MYO9B: variants seen among roughly 807,000 people sequenced by gnomAD.
The protein encoded by MYO9B is myosin IXB.
Under a neutral mutation model 229.5 loss-of-function variants are expected in MYO9B, and 71 were observed. The ratio of observed to expected loss-of-function variants is 0.31; its 90% CI spans 0.26 to 0.38. The LOEUF (loss-of-function observed/expected upper bound fraction) is 0.38, where lower values mean the gene tolerates loss of function less well. Among genes scored for constraint, MYO9B ranks in the 10% least tolerant of loss-of-function variants. MYO9B has a pLI of 1.00. For missense variants in MYO9B, 2,255 were observed against 2,920.5 expected (o/e 0.77, Z 5.25); for synonymous variants, 1,185 against 1,235.8 (o/e 0.96, Z 0.86).
Position 17,172,194 on chromosome 19 carries a change from G to T in MYO9B, c.1794-142G>T. ...TTCACTCCTTCACCCACCCCTCTGT[G>T]CACAGAGCCCTGTGCCACTTCACTG... On this transcript the variant is annotated intron_variant, in intron 11 of 39. Coordinates refer to ENST00000682292, the MANE Select transcript of MYO9B (RefSeq NM_004145.4). The surrounding 1 kb of genome is among the most constrained non-coding windows in gnomAD (Gnocchi z 8.2). 2 of 1,054,660 alleles carry T rather than the reference G, an allele frequency of 1.9e-6. No homozygotes were observed. Among genetic ancestry groups the T allele is most frequent in the South Asian group, 3.2e-5 (2 of 62,524 alleles). 65.3% of individuals were successfully genotyped at this position (1,054,660 alleles called of 1,614,324 possible).
At chr19:17,146,095 A>G (rs1315542415) in intron 3 of MYO9B, among the ~76,000 whole-genome samples, 5 of 151,508 alleles carry the variant, frequency 3.3e-5, no homozygotes, top group African/African-American at 1.2e-4. Flanking sequence ...GGATGGATAG[A>G]TGAATTATTG....
rs780909381 is a variant in MYO9B, at chr19:17,210,730, AC to A, written c.5815del (p.Arg1939GlyfsTer114). The A allele has an allele frequency of 6.4e-7, 1 of 1,553,516 alleles. No individual in the cohort carries two copies. Reference sequence around the variant, plus strand: ...TTTGTTTCAGAACAAGAGCCCCAAGACCCGGGACATCCAGGAGGAGGAGCTG... The same window carrying A: ...TTTGTTTCAGAACAAGAGCCCCAAGACCGGGACATCCAGGAGGAGGAGCTG... Reference protein sequence around the residue: ...YEGVLNKSPKTRDIQEEELEV... With the variant: ...YEGVLNKSPKXRDIQEEELEV... On this transcript the variant is annotated frameshift_variant, in exon 38 of 40. Coordinates refer to ENST00000682292, the MANE Select transcript of MYO9B (RefSeq NM_004145.4). LOFTEE classifies it high-confidence loss of function.
At chr19:17,204,858 G>T (rs946980207) in intron 30 of MYO9B, among the ~76,000 whole-genome samples, 9 of 152,006 alleles carry the variant, frequency 5.9e-5, no homozygotes, top group Non-Finnish European at 1.3e-4. Flanking sequence ...AAACCAAAAA[G>T]AAGGCAATCC....
chr19:17,208,813 G>T (rs950960001), intron 35 of MYO9B, among the ~76,000 whole-genome samples: 1 of 152,130 alleles, frequency 6.6e-6, no homozygotes, highest in African/African-American at 2.4e-5. Flanking sequence ...CCTGCAGGTC[G>T]CACCACAGAG....
chr19:17,142,734 C>T (rs954035688), intron 2 of MYO9B, among the ~76,000 whole-genome samples: 10 of 152,054 alleles, frequency 6.6e-5, no homozygotes, highest in Admixed American at 5.2e-4. Flanking sequence ...AGGTTTTTCA[C>T]GTCAGGGAAT....
chr19:17,159,722 C>G (rs892875284), intron 8 of MYO9B, among the ~76,000 whole-genome samples: 1 of 152,254 alleles, frequency 6.6e-6, no homozygotes, highest in African/African-American at 2.4e-5. Context: ...CCAGATGTTC[C>G]GTGTGCATGC....
At position 17,101,762 on chromosome 19, in the gene MYO9B, G is replaced by A. The variant is rs368743832; in HGVS notation, c.45G>A (p.Ala15=). 3.3e-5 allele frequency: 53 copies of A among 1,597,190 alleles called. No individual in the cohort carries two copies. The highest frequency in any genetic ancestry group is 2.2e-4 in the South Asian group (20 of 89,762). Residue 15 remains alanine (A), a synonymous_variant, in exon 2 of 40, where the codon GCG becomes GCA. Transcript: ENST00000682292. The surrounding 1 kb of genome is among the most constrained non-coding windows in gnomAD (Gnocchi z 4.7). ...EAGSSGRREQ[A]AYHLHIYPQL... Reference sequence around the variant, plus strand: ...GCAGCTCGGGCCGCCGGGAGCAGGCGGCCTACCACCTGCACATCTACCCCC... The same window carrying A: ...GCAGCTCGGGCCGCCGGGAGCAGGCAGCCTACCACCTGCACATCTACCCCC...
intron 10 of MYO9B, among the ~76,000 whole-genome samples, chr19:17,164,307 CT>C (rs2072636031): frequency 6.6e-6 from 1 of 151,892 alleles, no homozygotes. Context: ...AACAGAAAAT[CT>C]TTTTGTTAGT....
At position 17,192,819 on chromosome 19, in the gene MYO9B, T is replaced by C; in HGVS notation, c.2885T>C (p.Leu962Pro). 1.3e-6 allele frequency: 2 copies of C among 1,555,940 alleles called. No homozygotes were observed. The highest frequency in any genetic ancestry group is 1.7e-6 in the Non-Finnish European group (2 of 1,150,274). Residue 962 changes from leucine (L) to proline (P), a missense_variant, in exon 21 of 40, where the codon CTG becomes CCG. By Grantham distance (98) the Leu-to-Pro change is moderately conservative. Coordinates refer to ENST00000682292, the MANE Select transcript of MYO9B (RefSeq NM_004145.4). ...LHREVVRKIL[L>P]LQSWFRMVLE... ...CGGGAGGTGGTGCGGAAAATCCTGC[T>C]GCTGCAGAGCTGGTTCCGGATGGTG...
At chr19:17,083,142 G>A (rs529921095) in intron 1 of MYO9B, among the ~76,000 whole-genome samples, 75 of 146,572 alleles carry the variant, frequency 5.1e-4, no homozygotes, top group African/African-American at 1.0e-3. Flanking sequence ...TCAAGTGATC[G>A]TCCTACCTCA....
At chr19:17,157,982 C>T (rs1044346817) in intron 7 of MYO9B, among the ~76,000 whole-genome samples, 1 of 152,122 alleles carries the variant, frequency 6.6e-6, no homozygotes, top group Non-Finnish European at 1.5e-5. Flanking sequence ...CAGTTCTGCC[C>T]CTAGGACACA....
intron 16 of MYO9B, chr19:17,184,361 A>G (rs10421975): frequency 0.077 from 13,029 of 169,440 alleles, 1,079 homozygotes; most frequent in African/African-American, 0.22. Flanking sequence ...CAGCAATTTA[A>G]GAAATTTGCA....
In MYO9B at chr19:17,192,794, C is replaced by A. The variant is rs376031299; in HGVS notation, c.2860C>A (p.Arg954=). 1 of 1,558,922 alleles carries A rather than the reference C, an allele frequency of 6.4e-7. No homozygotes were observed. Reference sequence around the variant, plus strand: ...GCAAGCCCTGCAGGAGACGCTGCACCGGGAGGTGGTGCGGAAAATCCTGCT... The same window carrying A: ...GCAAGCCCTGCAGGAGACGCTGCACAGGGAGGTGGTGCGGAAAATCCTGCT... ...ERQALQETLH[R]EVVRKILLLQ... Residue 954 remains arginine, a synonymous_variant, in exon 21 of 40, where the codon CGG becomes AGG. Transcript: ENST00000682292.
chr19:17,153,689 G>A (rs983887937), intron 4 of MYO9B, among the ~76,000 whole-genome samples: 25 of 141,310 alleles, frequency 1.8e-4, no homozygotes, highest in African/African-American at 6.1e-4. Context: ...GAGCAAGACC[G>A]TATCTCAAAA....
chr19:17,104,406 G>T (rs1480060112), intron 2 of MYO9B, among the ~76,000 whole-genome samples: 1 of 152,142 alleles, frequency 6.6e-6, no homozygotes, highest in Non-Finnish European at 1.5e-5. Context: ...TGCCACTGTG[G>T]GTGAGTCTTG....
intron 8 of MYO9B, 41 bp from the exon 9 acceptor site, chr19:17,162,309 C>T: frequency 1.3e-6 from 2 of 1,493,556 alleles, no homozygotes; most frequent in Non-Finnish European, 1.8e-6. Flanking sequence ...CAGCGCAGGG[C>T]CTGCCGTGCC....
At chr19:17,123,689 A>G (rs1000891982) in intron 2 of MYO9B, among the ~76,000 whole-genome samples, 10 of 152,104 alleles carry the variant, frequency 6.6e-5, no homozygotes, top group Non-Finnish European at 1.2e-4. Flanking sequence ...GATTACAGGC[A>G]TGAGCCACCA....
intron 2 of MYO9B, among the ~76,000 whole-genome samples, chr19:17,133,582 G>C (rs527237621): frequency 4.0e-4 from 61 of 151,984 alleles, no homozygotes; most frequent in African/African-American, 1.4e-3. Context: ...TCAGCCTCCT[G>C]AGTATCTAGG....
chr19:17,088,430 C>T (rs910133612), intron 1 of MYO9B, among the ~76,000 whole-genome samples: 1 of 152,206 alleles, frequency 6.6e-6, no homozygotes. Context: ...AATGAACTCC[C>T]CACTGGAAAT....
Sources: allele counts gnomAD v4.1 joint callset (sites outside exome capture counted in the v4.1 genomes callset), GRCh38; gene constraint gnomAD v4.1.1; non-coding constraint Gnocchi (gnomAD v3.1); transcripts MANE v1.5; gene names NCBI Gene and HGNC (gene_info 2026-07-23, HGNC 2026-07-21).